ARFGEF2: variants seen among roughly 807,000 people sequenced by gnomAD.
ARFGEF2 encodes the protein brefeldin A-inhibited guanine nucleotide-exchange protein 2.
Under a neutral mutation model 219.9 loss-of-function variants are expected in ARFGEF2, and 74 were observed. The ratio of observed to expected loss-of-function variants is 0.34; its 90% CI spans 0.28 to 0.41. ARFGEF2 has a LOEUF of 0.41. Among genes scored for constraint, ARFGEF2 ranks in the 10% least tolerant of loss-of-function variants. The pLI is 1.00. For synonymous variants in ARFGEF2, 733 were observed against 799.2 expected (o/e 0.92, Z 1.40); for missense variants, 1,743 against 2,218.3 (o/e 0.79, Z 4.30).
intron 26 of ARFGEF2, among the ~76,000 whole-genome samples, chr20:49,007,899 C>T (rs1294117907): frequency 2.0e-5 from 3 of 151,962 alleles, no homozygotes; most frequent in Admixed American, 6.6e-5. Flanking sequence ...CCTAATTGCA[C>T]GGAAGCCCTC....
At chr20:48,943,564 A>C (rs1242558846) in intron 3 of ARFGEF2, among the ~76,000 whole-genome samples, 2 of 152,118 alleles carry the variant, frequency 1.3e-5, no homozygotes, top group Admixed American at 6.6e-5. Flanking sequence ...CCCAAAGAAC[A>C]TTTATTCTCT....
At chr20:49,026,304 TG>T (rs950714704) in intron 36 of ARFGEF2, among the ~76,000 whole-genome samples, 4 of 151,980 alleles carry the variant, frequency 2.6e-5, no homozygotes, top group African/African-American at 4.8e-5. Context: ...CACTGCAGCC[TG>T]GGTGACAGGG....
rs1449237414 is a variant in ARFGEF2, at chr20:49,013,644, A to C, written c.3999A>C (p.Leu1333Phe). Residue 1333 changes from leucine to phenylalanine, a missense_variant, in exon 29 of 39, where the codon TTA becomes TTC. Leu to Phe is a conservative substitution (Grantham distance 22). This residue lies in a region of ARFGEF2 where 578 missense variants were observed against 664.0 expected (regional missense o/e 0.87). Coordinates refer to ENST00000371917, the MANE Select transcript of ARFGEF2 (RefSeq NM_006420.3). ...GGGTCCGAGGCTGGTTCCCCATCTT[A>C]TTCGAACTCTCCTGCATCATTAATA... ...RVWVRGWFPI[L>F]FELSCIINRC... 6.2e-7 allele frequency: 1 copy of C among 1,614,140 alleles called. No homozygotes were observed. Among genetic ancestry groups the C allele is most frequent in the Non-Finnish European group, 8.5e-7 (1 of 1,180,026 alleles).
intron 6 of ARFGEF2, among the ~76,000 whole-genome samples, chr20:48,961,716 T>C (rs908843683): frequency 2.0e-5 from 3 of 151,826 alleles, no homozygotes; most frequent in Non-Finnish European, 4.4e-5. Context: ...ATACAAAAAT[T>C]AGCTGGGTGT....
At chr20:48,977,915 C>G (rs2123433836) in intron 14 of ARFGEF2, among the ~76,000 whole-genome samples, 1 of 152,206 alleles carries the variant, frequency 6.6e-6, no homozygotes, top group South Asian at 2.1e-4. Flanking sequence ...AATTTTCTCC[C>G]ATTCTGTAGG....
intron 36 of ARFGEF2, among the ~76,000 whole-genome samples, chr20:49,026,535 A>T (rs1486503605): frequency 1.3e-5 from 2 of 151,564 alleles, no homozygotes; most frequent in African/African-American, 4.8e-5. Flanking sequence ...TGAACTTTGC[A>T]TACAAGTGAT....
intron 34 of ARFGEF2, among the ~76,000 whole-genome samples, chr20:49,022,360 G>A (rs2091570437): frequency 6.6e-6 from 1 of 151,872 alleles, no homozygotes; most frequent in Admixed American, 6.6e-5. Flanking sequence ...TTGTGGCACA[G>A]GAGTTCAAGA....
intron 26 of ARFGEF2, among the ~76,000 whole-genome samples, chr20:49,005,752 A>G (rs1032046971): frequency 2.0e-5 from 3 of 151,214 alleles, no homozygotes; most frequent in Non-Finnish European, 3.0e-5. Context: ...AAAAAAAAAA[A>G]AAAAAAGAAA....
At chr20:49,032,917 C>G in intron 38 of ARFGEF2, 106 bp from the exon 39 acceptor site, 1 of 1,122,196 alleles carries the variant, frequency 8.9e-7, no homozygotes, top group South Asian at 1.3e-5. Context: ...GCAAGAAAAG[C>G]ACCAATATTG....
chr20:48,988,238 C>G, intron 16 of ARFGEF2, 66 bp from the exon 17 acceptor site: 1 of 1,181,714 alleles, frequency 8.5e-7, no homozygotes. Flanking sequence ...AAGTGTGTCT[C>G]TGTTAGCATT....
chr20:48,936,154 C>T (rs1254783260), intron 1 of ARFGEF2, among the ~76,000 whole-genome samples: 2 of 127,990 alleles, frequency 1.6e-5, no homozygotes, highest in African/African-American at 3.0e-5. Context: ...CCGGACGGGG[C>T]GGCTGGCCGG....
At chr20:48,950,127 T>C (rs1047813770) in intron 3 of ARFGEF2, among the ~76,000 whole-genome samples, 1 of 152,166 alleles carries the variant, frequency 6.6e-6, no homozygotes, top group Non-Finnish European at 1.5e-5. Context: ...CTGTCCTCCA[T>C]GCTGACATCC....
intron 3 of ARFGEF2, among the ~76,000 whole-genome samples, chr20:48,950,630 C>T (rs2904170): frequency 2.0e-4 from 30 of 150,638 alleles, no homozygotes; most frequent in African/African-American, 7.3e-4. Context: ...CCCATCTCTA[C>T]AAAGAATAAA....
At chr20:48,934,101 C>CA (rs2090931511) in intron 1 of ARFGEF2, among the ~76,000 whole-genome samples, 3 of 109,598 alleles carry the variant, frequency 2.7e-5, no homozygotes, top group Non-Finnish European at 5.0e-5. Flanking sequence ...GCCTGGGCAA[C>CA]AGAGTGGGAC....
Position 49,036,040 on chromosome 20 carries a change from G to GATAT in ARFGEF2, c.*2843_*2846dup, listed in dbSNP as rs1216585570. On this transcript the variant is annotated 3_prime_UTR_variant, in exon 39 of 39. Coordinates refer to ENST00000371917, the MANE Select transcript of ARFGEF2 (RefSeq NM_006420.3). Reference sequence around the variant, plus strand: ...TTTTTGTTGTTCTTTTGTGATTAAGGATATACATTTAGTAGTCTTTGTTAT... The same window carrying GATAT: ...TTTTTGTTGTTCTTTTGTGATTAAGGATATATATACATTTAGTAGTCTTTGTTAT... 2.5e-6 allele frequency: 1 copy of GATAT among 396,540 alleles called. No individual in the cohort carries two copies. Among genetic ancestry groups the GATAT allele is most frequent in the Non-Finnish European group, 4.4e-6 (1 of 225,460 alleles). The allele number at this position is 396,540 out of a possible 1,614,324, so 24.6% of individuals were successfully genotyped here.
At chr20:48,932,065 A>C (rs576245222) in intron 1 of ARFGEF2, among the ~76,000 whole-genome samples, 3 of 152,250 alleles carry the variant, frequency 2.0e-5, no homozygotes, top group African/African-American at 4.8e-5. Flanking sequence ...GTGGTGGCCT[A>C]GTGTGGTAAG....
rs1336585074 is a variant in ARFGEF2, at chr20:48,994,568, G to A, written c.3091G>A (p.Ala1031Thr). Residue 1031 changes from alanine (A) to threonine (T), a missense_variant, in exon 22 of 39, where the codon GCA (alanine) becomes ACA (threonine). Ala to Thr is a moderately conservative substitution (Grantham distance 58). Coordinates refer to ENST00000371917, the MANE Select transcript of ARFGEF2 (RefSeq NM_006420.3). ...REGSLKGHTL[A>T]GEEFMGLGLG... ...AGGGAGCCTGAAGGGCCACACATTG[G>A]CAGGAGAAGAGTTCATGGGCCTTGG... 2 of 1,614,060 alleles carry A rather than the reference G, an allele frequency of 1.2e-6. No individual in the cohort carries two copies. Among genetic ancestry groups the A allele is most frequent in the Admixed American group, 1.7e-5 (1 of 60,006 alleles).
At chr20:49,009,924 A>G (rs1263941024) in intron 26 of ARFGEF2, among the ~76,000 whole-genome samples, 1 of 152,220 alleles carries the variant, frequency 6.6e-6, no homozygotes, top group Non-Finnish European at 1.5e-5. Flanking sequence ...CAAGCATTCA[A>G]CTTTGGTTCC....
chr20:49,035,823 A>G lies in ARFGEF2; in HGVS notation c.*2624A>G, dbSNP rs2091663067. On this transcript the variant is annotated 3_prime_UTR_variant, in exon 39 of 39. Coordinates refer to ENST00000371917, the MANE Select transcript of ARFGEF2 (RefSeq NM_006420.3). ...GGGAAATCACCAGCTTTGGCATCTT[A>G]ACAACAAACAGTGGATGGGTAATTT... The G allele has an allele frequency of 4.9e-6, 1 of 202,258 alleles. No individual in the cohort carries two copies. The highest frequency in any genetic ancestry group is 2.3e-5 in the African/African-American group (1 of 43,726). The allele number at this position is 202,258 out of a possible 1,614,324, so 12.5% of individuals were successfully genotyped here. A position where few individuals can be genotyped will look rare whatever the true frequency, so the allele number is the denominator to read the frequency against.
Sources: gnomAD v4.1 joint callset for allele counts (sites outside exome capture counted in the v4.1 genomes callset) on GRCh38, gnomAD v4.1.1 for gene constraint, gnomAD v4.1.1 regional missense constraint, MANE v1.5 for transcripts, NCBI Gene and HGNC (gene_info 2026-07-23, HGNC 2026-07-21) for gene names.